The following LRRC69 variants were observed in gnomAD, a reference collection of about 807,000 sequenced individuals.
The protein encoded by LRRC69 is leucine-rich repeat-containing protein 69.
A neutral mutation model predicts 37.8 loss-of-function variants in LRRC69; 42 were observed. The ratio of observed to expected loss-of-function variants is 1.11; its 90% CI spans 0.87 to 1.44. The LOEUF (loss-of-function observed/expected upper bound fraction) is 1.44. Ranked by LOEUF, LRRC69 falls within the 40% of genes most tolerant of loss-of-function variation. LRRC69 has a pLI of 0.00. For synonymous variants in LRRC69, 141 were observed against 143.1 expected (o/e 0.99, Z 0.11); for missense variants, 357 against 401.9 (o/e 0.89, Z 0.96).
chr8:91,150,726 TG>T (rs1808719271), intron 5 of LRRC69, among the ~76,000 whole-genome samples: 1 of 152,016 alleles, frequency 6.6e-6, no homozygotes, highest in Non-Finnish European at 1.5e-5. Flanking sequence ...GGATTTTTTT[TG>T]GTTGGTAAGC....
intron 1 of LRRC69, 49 bp downstream of exon 1, chr8:91,102,893 C>A: frequency 1.4e-6 from 2 of 1,479,484 alleles, no homozygotes; most frequent in African/African-American, 1.4e-5. Flanking sequence ...AGATGGAAAA[C>A]AGGAAGAGAG....
At chr8:91,194,443 T>C (rs1029477151) in intron 6 of LRRC69, among the ~76,000 whole-genome samples, 6 of 152,012 alleles carry the variant, frequency 3.9e-5, no homozygotes, top group African/African-American at 1.2e-4. Flanking sequence ...TCCTTGTACC[T>C]CTGGTAGAAT....
Position 91,213,131 on chromosome 8 carries a change from G to A in LRRC69, c.934-5759G>A, listed in dbSNP as rs562026443. On this transcript the variant is annotated intron_variant, in intron 7 of 7. Coordinates refer to ENST00000448384, the Ensembl canonical transcript of LRRC69. Reference sequence around the variant, plus strand: ...TGAAAATTCCTTGTGAAATTCAGAGGATATTGATTATGCAGGGGGTGCTGT... The same window carrying A: ...TGAAAATTCCTTGTGAAATTCAGAGAATATTGATTATGCAGGGGGTGCTGT... Among the ~76,000 whole-genome samples the A allele has an allele frequency of 3.3e-5, 5 of 152,218 alleles. 1 individual carries two copies. In the South Asian group the frequency reaches 1.0e-3, roughly 32 times the overall value.
chr8:91,105,574 T>C (rs1813297216), intron 1 of LRRC69, among the ~76,000 whole-genome samples: 2 of 150,734 alleles, frequency 1.3e-5, no homozygotes, highest in Admixed American at 6.6e-5. Context: ...TCCCAGAGGA[T>C]TGCCTGAGCC....
At chr8:91,190,774 G>C (rs1809480254) in intron 6 of LRRC69, among the ~76,000 whole-genome samples, 1 of 152,048 alleles carries the variant, frequency 6.6e-6, no homozygotes, top group Non-Finnish European at 1.5e-5. Context: ...AAGATACAAG[G>C]CTGGGCACAG....
chr8:91,127,581 C>T (rs1259966465), intron 3 of LRRC69, among the ~76,000 whole-genome samples: 1 of 134,698 alleles, frequency 7.4e-6, no homozygotes, highest in Admixed American at 8.3e-5. Context: ...TTAAAAACCC[C>T]ACATTTTATT....
chr8:91,114,346 A>C (rs1266479140), intron 1 of LRRC69, among the ~76,000 whole-genome samples: 1 of 151,974 alleles, frequency 6.6e-6, no homozygotes, highest in Non-Finnish European at 1.5e-5. Context: ...AGGTATCCGC[A>C]CTCACATGTT....
intron 4 of LRRC69, among the ~76,000 whole-genome samples, chr8:91,133,708 C>T (rs1040366261): frequency 9.2e-5 from 14 of 151,992 alleles, no homozygotes; most frequent in Non-Finnish European, 1.9e-4. Flanking sequence ...AATCTTGGCT[C>T]ACTGCAACCT....
chr8:91,148,451 A>G lies in LRRC69; in HGVS notation c.651+12712A>G, dbSNP rs537595895. Among the ~76,000 whole-genome samples the G allele has an allele frequency of 3.5e-3, 538 of 151,968 alleles. 1 individual carries two copies. The highest frequency in any genetic ancestry group is 0.012 in the African/African-American group (508 of 41,512). ...GGCTGCATAGTATTCCATGGTGTAT[A>G]TGTGCCACATTTTCTTAATCCAGTC... On this transcript the variant is annotated intron_variant, in intron 5 of 7. Coordinates refer to ENST00000448384, the Ensembl canonical transcript of LRRC69.
At chr8:91,167,388 G>A (rs1216191477) in intron 5 of LRRC69, among the ~76,000 whole-genome samples, 1 of 151,336 alleles carries the variant, frequency 6.6e-6, no homozygotes, top group Non-Finnish European at 1.5e-5. Flanking sequence ...AGAACAGCCC[G>A]GGAAAGACCC....
chr8:91,188,073 G>C (rs534810827), intron 5 of LRRC69, among the ~76,000 whole-genome samples: 40 of 152,146 alleles, frequency 2.6e-4, no homozygotes, highest in Non-Finnish European at 4.7e-4. Flanking sequence ...CTGACTTAGA[G>C]CTGCCATTGG....
chr8:91,197,434 C>G (rs1183545872), intron 6 of LRRC69, among the ~76,000 whole-genome samples: 1 of 152,138 alleles, frequency 6.6e-6, no homozygotes, highest in Non-Finnish European at 1.5e-5. Flanking sequence ...GGGCGCCCCT[C>G]CCCCAGCCTC....
intron 5 of LRRC69, among the ~76,000 whole-genome samples, chr8:91,138,615 T>C (rs1808464360): frequency 6.6e-6 from 1 of 151,958 alleles, no homozygotes; most frequent in Non-Finnish European, 1.5e-5. Flanking sequence ...ACTAGGACTT[T>C]TGTATACGAA....
In LRRC69 at chr8:91,106,991, C is replaced by T. The variant is rs569681344; in HGVS notation, c.183+4147C>T. 2.0e-3 allele frequency among the ~76,000 whole-genome samples: 302 copies of T among 151,376 alleles called. 1 individual carries two copies. Among genetic ancestry groups the T allele is most frequent in the African/African-American group, 6.6e-3 (271 of 41,338 alleles). On this transcript the variant is annotated intron_variant, in intron 1 of 7. Coordinates refer to ENST00000448384, the Ensembl canonical transcript of LRRC69. ...AAATTTTTTTTTTTTGTTTGGAGACCGGGTCTCACTTTGTCACCCAGGCTG... is the reference window on the plus strand; with the variant it reads ...AAATTTTTTTTTTTTGTTTGGAGACTGGGTCTCACTTTGTCACCCAGGCTG...
chr8:91,186,704 G>A (rs181417359), intron 5 of LRRC69, among the ~76,000 whole-genome samples: 162 of 152,234 alleles, frequency 1.1e-3, no homozygotes, highest in Admixed American at 2.1e-3. Flanking sequence ...GCGCTGAGAT[G>A]AATTCAAGTA....
At chr8:91,157,960 G>A (rs922479660) in intron 5 of LRRC69, 7 of 1,417,544 alleles carry the variant, frequency 4.9e-6, no homozygotes, top group Non-Finnish European at 6.0e-6. Flanking sequence ...GTATTCCAGT[G>A]GAGAGAAAAG....
chr8:91,130,152 A>G (rs1300876330), intron 3 of LRRC69: 1 of 152,074 alleles, frequency 6.6e-6, no homozygotes, highest in African/African-American at 2.4e-5. Context: ...TACCAATCCT[A>G]GAACTAAATA....
At chr8:91,187,057 C>A (rs879766056) in intron 5 of LRRC69, among the ~76,000 whole-genome samples, 8 of 152,188 alleles carry the variant, frequency 5.3e-5, no homozygotes, top group African/African-American at 1.2e-4. Flanking sequence ...ACACAGACAT[C>A]TTAGCCTCAA....
Position 91,118,243 on chromosome 8 carries a change from G to A in LRRC69, c.184-6250G>A, listed in dbSNP as rs371784769. The A allele has an allele frequency of 5.0e-4, 229 of 455,042 alleles. 4 individuals are homozygous for A. The East Asian group carries it at 0.013, about 25-fold the overall frequency. 28.2% of individuals were successfully genotyped at this position (455,042 alleles called of 1,614,324 possible). The stretch of plus-strand genomic sequence containing the variant: ...TTCTAGGCCGGGTGCGGTGGCTCAT[G>A]CCTGTAATCCCAGCACTTTGGGAGG... On this transcript the variant is annotated intron_variant, in intron 1 of 7. Transcript: ENST00000448384.
Sources: gnomAD v4.1 joint callset for allele counts (sites outside exome capture counted in the v4.1 genomes callset) on GRCh38, gnomAD v4.1.1 for gene constraint, MANE v1.5 for transcripts, NCBI Gene and HGNC (gene_info 2026-07-23, HGNC 2026-07-21) for gene names.